The following SAP130 variants were observed in gnomAD, a reference collection of about 807,000 sequenced individuals.
The protein encoded by SAP130 is Sin3A associated protein 130.
Under a neutral mutation model 103.2 loss-of-function variants are expected in SAP130, and 16 were observed. The observed-to-expected ratio is 0.16, with a 90% CI of 0.10 to 0.24. The LOEUF is 0.24. SAP130 is among the 10% of genes least tolerant of loss of function. The probability of loss-of-function intolerance (pLI) is 1.00; values close to 1 mark genes in which losing one functional copy is unlikely to be tolerated. For missense variants in SAP130, 990 were observed against 1,359.7 expected, an observed-to-expected ratio of 0.73 and a Z score of 4.28; for synonymous variants, 477 against 497.0, an observed-to-expected ratio of 0.96 and a Z score of 0.53.
intron 7 of SAP130, among the ~76,000 whole-genome samples, chr2:128,009,646 G>C (rs1481151666): frequency 1.3e-5 from 2 of 152,068 alleles, no homozygotes; most frequent in African/African-American, 2.4e-5. Context: ...CATTGCATCG[G>C]TCTGCTAAAA....
In SAP130 at chr2:127,941,952, A is replaced by ACCCCCCCCCCCC; in HGVS notation, c.*53_*54insGGGGGGGGGGGG. 1 of 200,452 alleles carries ACCCCCCCCCCCC rather than the reference A, an allele frequency of 5.0e-6. No homozygotes were observed. The highest frequency in any genetic ancestry group is 9.1e-6 in the Non-Finnish European group (1 of 109,970). The allele number at this position is 200,452 out of a possible 1,614,324, so 12.4% of individuals were successfully genotyped here. On this transcript the variant is annotated 3_prime_UTR_variant, in exon 21 of 21. Coordinates refer to ENST00000643581, the MANE Select transcript of SAP130 (RefSeq NM_001330301.2). The stretch of plus-strand genomic sequence containing the variant: ...TGGAAAAAACCAAAACCCTCCCCCC[A>ACCCCCCCCCCCC]CCCCCACCATCATTCTTCATAAATT...
rs553992913 is a variant in SAP130, at chr2:127,974,768, G to T, written c.2063+3217C>A. Among the ~76,000 whole-genome samples the T allele has an allele frequency of 1.6e-4, 25 of 152,298 alleles. No individual in the cohort carries two copies. In the South Asian group the frequency reaches 5.2e-3, roughly 32 times the overall value. ...GCAGAGGTTGTGGGGAGCCGAGATT[G>T]AGCTACTGCACTCTAGCCTGGGCAG... On this transcript the variant is annotated intron_variant, in intron 15 of 20. Coordinates refer to ENST00000643581, the MANE Select transcript of SAP130 (RefSeq NM_001330301.2).
At chr2:128,027,226 C>G (rs971935042) in intron 1 of SAP130, 28 of 1,202,366 alleles carry the variant, frequency 2.3e-5, no homozygotes, top group Non-Finnish European at 2.7e-5. Flanking sequence ...GCCCGGGGCC[C>G]GCTGCTGTCC....
At position 127,942,990 on chromosome 2, in the gene SAP130, A is replaced by AAAAT. The variant is rs57077932; in HGVS notation, c.2902-457_2902-454dup. ...GCAACAAGAGCGAAATTCCATCTAA[A>AAAAT]AAATAAATAAATAAATAAATAAATA... On this transcript the variant is annotated intron_variant, in intron 19 of 20. Coordinates refer to ENST00000643581, the MANE Select transcript of SAP130 (RefSeq NM_001330301.2). This position sits in a 1 kb window ranked among gnomAD's most constrained non-coding sequence, Gnocchi z 4.8. 7.7e-3 allele frequency among the ~76,000 whole-genome samples: 1,173 copies of AAAAT among 152,094 alleles called. 6 individuals are homozygous for AAAAT. Among genetic ancestry groups the AAAAT allele is most frequent in the African/African-American group, 0.012 (502 of 41,524 alleles).
chr2:127,957,285 A>G (rs907967844), intron 15 of SAP130, among the ~76,000 whole-genome samples: 19 of 152,328 alleles, frequency 1.2e-4, no homozygotes, highest in Non-Finnish European at 2.5e-4. Context: ...CCTGGGCAAC[A>G]GAGGGACTAG....
chr2:127,946,606 A>G (rs927482632), intron 18 of SAP130, among the ~76,000 whole-genome samples: 1 of 151,598 alleles, frequency 6.6e-6, no homozygotes, highest in Non-Finnish European at 1.5e-5. Flanking sequence ...ATGTAGTCTG[A>G]CCGCAGTGGC....
chr2:128,017,276 C>A (rs1185111007), intron 3 of SAP130, among the ~76,000 whole-genome samples: 1 of 152,042 alleles, frequency 6.6e-6, no homozygotes, highest in African/African-American at 2.4e-5. Flanking sequence ...GAGCCAAGAT[C>A]GCACCACTGC....
intron 12 of SAP130, among the ~76,000 whole-genome samples, chr2:127,991,755 G>T (rs1453830420): frequency 2.0e-5 from 3 of 152,126 alleles, no homozygotes; most frequent in Non-Finnish European, 4.4e-5. Flanking sequence ...TCTGTATTTT[G>T]ATTTCATAAA....
At chr2:127,950,596 T>C (rs1416884610) in intron 16 of SAP130, among the ~76,000 whole-genome samples, 188 bp from the exon 17 acceptor site, 1 of 152,230 alleles carries the variant, frequency 6.6e-6, no homozygotes, top group East Asian at 1.9e-4. Flanking sequence ...TTATAGCCCA[T>C]ATCTTCATCT....
intron 15 of SAP130, among the ~76,000 whole-genome samples, chr2:127,962,473 CA>C (rs1177988729): frequency 6.6e-6 from 1 of 152,178 alleles, no homozygotes; most frequent in African/African-American, 2.4e-5. Context: ...GACTCAGAAC[CA>C]ACCTAAATGT....
intron 15 of SAP130, among the ~76,000 whole-genome samples, chr2:127,975,575 T>A (rs1681404051): frequency 6.6e-6 from 1 of 151,936 alleles, no homozygotes; most frequent in Non-Finnish European, 1.5e-5. Flanking sequence ...CCAAAAAAAA[T>A]TACAATTATT....
intron 15 of SAP130, among the ~76,000 whole-genome samples, chr2:127,959,912 C>T (rs1680118983): frequency 6.6e-6 from 1 of 152,122 alleles, no homozygotes; most frequent in Admixed American, 6.5e-5. Flanking sequence ...GACGGTCTTG[C>T]TGTGTTGGTG....
At chr2:127,995,742 C>G (rs1384460987) in intron 11 of SAP130, among the ~76,000 whole-genome samples, 1 of 152,122 alleles carries the variant, frequency 6.6e-6, no homozygotes, top group Non-Finnish European at 1.5e-5. Context: ...AGGAGAAAAA[C>G]ATGCTTTTCC....
chr2:127,990,081 A>G (rs1251712881), intron 12 of SAP130, among the ~76,000 whole-genome samples: 2 of 152,212 alleles, frequency 1.3e-5, no homozygotes, highest in Non-Finnish European at 2.9e-5. Flanking sequence ...TTGTTTTTCT[A>G]CAGACTACTA....
At chr2:127,948,356 CAG>C (rs1421138354) in intron 18 of SAP130, among the ~76,000 whole-genome samples, 27 of 102,236 alleles carry the variant, frequency 2.6e-4, no homozygotes, top group African/African-American at 1.0e-3. Flanking sequence ...TTTTTTGAGA[CAG>C]AGTCTTGCTC....
chr2:128,021,471 A>C (rs1437177085), intron 2 of SAP130, among the ~76,000 whole-genome samples: 1 of 151,556 alleles, frequency 6.6e-6, no homozygotes, highest in Non-Finnish European at 1.5e-5. Context: ...ACAAAAAAAC[A>C]GAGAGGAAAG....
At chr2:127,984,807 T>C (rs1459976341) in intron 14 of SAP130, among the ~76,000 whole-genome samples, 1 of 152,152 alleles carries the variant, frequency 6.6e-6, no homozygotes, top group African/African-American at 2.4e-5. Context: ...TCTGCAGAGT[T>C]TGAACTTTCA....
At chr2:128,024,530 A>T (rs1685366671) in intron 2 of SAP130, among the ~76,000 whole-genome samples, 1 of 152,010 alleles carries the variant, frequency 6.6e-6, no homozygotes, top group Non-Finnish European at 1.5e-5. Flanking sequence ...CTTCGGCAAC[A>T]TTGTGAGATC....
chr2:127,946,551 G>A (rs1323355205), intron 18 of SAP130, among the ~76,000 whole-genome samples: 1 of 152,002 alleles, frequency 6.6e-6, no homozygotes, highest in Non-Finnish European at 1.5e-5. Context: ...CCAAAGACAT[G>A]TTGAAGATCC....
Sources: allele counts gnomAD v4.1 joint callset (sites outside exome capture counted in the v4.1 genomes callset), GRCh38; gene constraint gnomAD v4.1.1; non-coding constraint Gnocchi (gnomAD v3.1); transcripts MANE v1.5; gene names NCBI Gene and HGNC (gene_info 2026-07-23, HGNC 2026-07-21).